The following XDH variants were observed in gnomAD, a reference collection of about 807,000 sequenced individuals.
XDH encodes the protein xanthine dehydrogenase/oxidase.
In XDH, 138 loss-of-function variants were observed where a neutral mutation model predicts 156.1. The observed-to-expected ratio is 0.88, with a 90% CI of 0.77 to 1.02. The LOEUF (loss-of-function observed/expected upper bound fraction) is 1.02. Ranked by LOEUF, XDH falls within the 50% of genes least tolerant of loss-of-function variation. XDH has a pLI of 0.00. For missense variants in XDH, 1,849 were observed against 1,684.9 expected, an observed-to-expected ratio of 1.10 and a Z score of -1.71; for synonymous variants, 669 against 625.7, an observed-to-expected ratio of 1.07 and a Z score of -1.03.
intron 8 of XDH, among the ~76,000 whole-genome samples, chr2:31,387,151 C>T (rs947611427): frequency 6.6e-6 from 1 of 152,206 alleles, no homozygotes; most frequent in African/African-American, 2.4e-5. Flanking sequence ...TTCAAAGTTT[C>T]ACAGTCCAGA....
chr2:31,406,431 C>A (rs1687193039), intron 1 of XDH, among the ~76,000 whole-genome samples: 1 of 152,204 alleles, frequency 6.6e-6, no homozygotes, highest in Admixed American at 6.5e-5. Context: ...TATAATTACC[C>A]AGCCTCAGGT....
In XDH at chr2:31,348,283, A is replaced by T. The variant is rs369139643; in HGVS notation, c.3132T>A (p.His1044Gln). ...HGGTEMGQGL[H>Q]TKMVQVASRA... ...GGCTGCTCACCTGGACCATTTTGGT[A>T]TGAAGGCCTTGGCCCATCTCAGTCC... is the stretch of plus-strand genomic sequence containing the variant. Residue 1044 changes from histidine to glutamine, a missense_variant, in exon 28 of 36, where the codon CAT becomes CAA. By Grantham distance (24) the His-to-Gln change is conservative. Transcript: ENST00000379416. 2 of 1,614,098 alleles carry T rather than the reference A, an allele frequency of 1.2e-6. No homozygotes were observed. The highest frequency in any genetic ancestry group is 2.2e-5 in the South Asian group (2 of 91,076).
chr2:31,379,705 G>T (rs1686378057), intron 13 of XDH, among the ~76,000 whole-genome samples, 162 bp downstream of exon 13: 1 of 152,154 alleles, frequency 6.6e-6, no homozygotes, highest in African/African-American at 2.4e-5. Context: ...CCAGAAAGGA[G>T]TATGGTTGGT....
intron 1 of XDH, among the ~76,000 whole-genome samples, chr2:31,411,612 T>C (rs1687344333): frequency 1.3e-5 from 2 of 152,176 alleles, no homozygotes; most frequent in South Asian, 4.1e-4. Flanking sequence ...AATACAAAGT[T>C]AGAGAAGTAA....
chr2:31,360,295 C>T (rs1685743563), intron 24 of XDH, among the ~76,000 whole-genome samples: 2 of 152,110 alleles, frequency 1.3e-5, no homozygotes, highest in African/African-American at 4.8e-5. Context: ...GTCAGAAGTT[C>T]GAGACCAGCC....
At chr2:31,368,255 G>C (rs994033432) in intron 19 of XDH, among the ~76,000 whole-genome samples, 198 bp from the exon 20 acceptor site, 4 of 152,178 alleles carry the variant, frequency 2.6e-5, no homozygotes, top group Admixed American at 2.6e-4. Context: ...TCAGCTGTAG[G>C]TGGACAACCC....
At chr2:31,401,424 G>A in intron 3 of XDH, 96 bp from the exon 4 acceptor site, 2 of 1,246,118 alleles carry the variant, frequency 1.6e-6, no homozygotes, top group Non-Finnish European at 2.3e-6. Context: ...GAGGCTTTAT[G>A]TTACGTCTCT....
intron 28 of XDH, among the ~76,000 whole-genome samples, chr2:31,347,999 G>A (rs576626874): frequency 4.3e-4 from 66 of 152,296 alleles, no homozygotes; most frequent in African/African-American, 9.1e-4. Flanking sequence ...TGGGAAACTC[G>A]CGACCTTTAC....
intron 29 of XDH, among the ~76,000 whole-genome samples, chr2:31,347,145 T>G (rs1490372239): frequency 6.6e-6 from 1 of 152,210 alleles, no homozygotes; most frequent in Non-Finnish European, 1.5e-5. Context: ...AACTGCTTGT[T>G]TGATTATATC....
intron 3 of XDH, 132 bp from the exon 4 acceptor site, chr2:31,401,460 T>C (rs1687059007): frequency 2.1e-6 from 2 of 958,366 alleles, no homozygotes; most frequent in Non-Finnish European, 3.3e-6. Flanking sequence ...TTCTTGTCTC[T>C]TCTACCAGTG....
intron 16 of XDH, among the ~76,000 whole-genome samples, chr2:31,373,015 A>C (rs1207650403): frequency 3.9e-5 from 6 of 152,230 alleles, no homozygotes; most frequent in African/African-American, 1.4e-4. Flanking sequence ...AAGTAATCAT[A>C]ACAATGGCTA....
intron 6 of XDH, among the ~76,000 whole-genome samples, chr2:31,395,708 C>G (rs1686883862): frequency 6.6e-6 from 1 of 152,210 alleles, no homozygotes; most frequent in Non-Finnish European, 1.5e-5. Context: ...GCAGAGGTTT[C>G]TGCTCTGATA....
At chr2:31,345,124 C>T (rs1685247424) in intron 30 of XDH, among the ~76,000 whole-genome samples, 1 of 152,202 alleles carries the variant, frequency 6.6e-6, no homozygotes, top group South Asian at 2.1e-4. Flanking sequence ...CACACGAGGG[C>T]CACCCCAGCC....
intron 19 of XDH, 87 bp downstream of exon 19, chr2:31,368,454 C>T (rs760216601): frequency 3.2e-6 from 5 of 1,553,064 alleles, no homozygotes; most frequent in Non-Finnish European, 4.4e-6. Context: ...CTACCTGCTG[C>T]TCAAATCCCC....
chr2:31,414,662 G>C lies in XDH; in HGVS notation c.5C>G (p.Thr2Arg). Residue 2 changes from threonine (T) to arginine (R), a missense_variant, in exon 1 of 36, where the codon ACA becomes AGA. By Grantham distance (71) the Thr-to-Arg change is moderately conservative. Transcript: ENST00000379416. M[T>R]ADKLVFFVNG... ...CACAAAGAAAACCAATTTGTCTGCT[G>C]TCATTGTCACAGGTTGGGGTCCCCG... The C allele has an allele frequency of 6.2e-7, 1 of 1,614,128 alleles. No homozygotes were observed. Among genetic ancestry groups the C allele is most frequent in the Non-Finnish European group, 8.5e-7 (1 of 1,180,002 alleles).
At chr2:31,350,514 T>C (rs530140517) in intron 24 of XDH, among the ~76,000 whole-genome samples, 35 of 151,876 alleles carry the variant, frequency 2.3e-4, no homozygotes, top group Non-Finnish European at 4.3e-4. Context: ...GTAGCTGGGA[T>C]TACAGGCACG....
At chr2:31,378,112 AAGGAAGGAAGGAAGGAAGGAAGG>A (rs1686311438) in intron 13 of XDH, among the ~76,000 whole-genome samples, 12 of 31,830 alleles carry the variant, frequency 3.8e-4, no homozygotes, top group South Asian at 1.5e-3. Flanking sequence ...GAAAGAAAGG[AAGGAAGGAAGGAAGGAAGGAAGG>A]AAGGAAGGAA....
chr2:31,414,009 G>A (rs1430281658), intron 1 of XDH, among the ~76,000 whole-genome samples: 1 of 152,094 alleles, frequency 6.6e-6, no homozygotes, highest in Non-Finnish European at 1.5e-5. Context: ...CAGCTTACAT[G>A]TAGAACTCAC....
At chr2:31,351,896 T>G (rs181770688) in intron 24 of XDH, among the ~76,000 whole-genome samples, 19 of 152,356 alleles carry the variant, frequency 1.2e-4, no homozygotes, top group Middle Eastern at 3.4e-3. Context: ...GAGAGTTCTG[T>G]TTTTTCTTCC....
Sources: allele counts gnomAD v4.1 joint callset (sites outside exome capture counted in the v4.1 genomes callset), GRCh38; gene constraint gnomAD v4.1.1; transcripts MANE v1.5; gene names NCBI Gene and HGNC (gene_info 2026-07-23, HGNC 2026-07-21).